Variants in ZNF446 observed in about 807,000 individuals in gnomAD.
ZNF446 encodes the protein zinc finger protein with KRAB and SCAN domains 20.
A neutral mutation model predicts 34.0 loss-of-function variants in ZNF446; 42 were observed. The ratio of observed to expected loss-of-function variants is 1.23; its 90% confidence interval spans 0.96 to 1.60. The LOEUF (loss-of-function observed/expected upper bound fraction) is 1.60. Among genes scored for constraint, ZNF446 ranks in the 40% most tolerant of loss-of-function variants. ZNF446 has a pLI of 0.00. For missense variants in ZNF446, 650 were observed against 600.2 expected, an observed-to-expected ratio of 1.08 and a Z score of -0.87; for synonymous variants, 315 against 251.0, an observed-to-expected ratio of 1.25 and a Z score of -2.41.
downstream of ZNF446, among the ~76,000 whole-genome samples, chr19:58,484,271 TA>T (rs34356403): frequency 6.8e-3 from 454 of 66,544 alleles, 5 homozygotes; most frequent in African/African-American, 0.02. Flanking sequence ...ACCCCATCTC[TA>T]AAAAAAAAAA....
At position 58,477,100 on chromosome 19, in the gene ZNF446, CCCCCTGGGCTGAGCCTGGTGTCTGCCTT is replaced by C. The variant is rs1036248274; in HGVS notation, c.-40-71_-40-44del. On this transcript the variant is annotated intron_variant, in intron 1 of 6. Coordinates refer to ENST00000594369, the MANE Select transcript of ZNF446 (RefSeq NM_017908.4). ...AGAGTACACTTGGTCCTGGTCTCAG[CCCCCTGGGCTGAGCCTGGTGTCTGCCTT>C]CCCCTGGCCAGATTCTCTTGGCTGA... is the stretch of plus-strand genomic sequence containing the variant. 1.5e-5 allele frequency: 13 copies of C among 870,440 alleles called. No homozygotes were observed. The African/African-American group carries it at 1.7e-4, about 11-fold the overall frequency. The allele number at this position is 870,440 out of a possible 1,614,324, so 53.9% of individuals were successfully genotyped here.
rs754224920 is a variant in ZNF446 at position 58,480,454 on chromosome 19, C to A, written c.1081C>A (p.Gln361Lys). Residue 361 changes from glutamine (Q) to lysine (K), a missense_variant, in exon 7 of 7, where the codon CAG becomes AAG. Transcript: ENST00000594369. This position sits in a 1 kb window ranked among gnomAD's most constrained non-coding sequence, Gnocchi z 7.2. ...HRTHTSGPGV[Q>K]SPGLATGEST... is the part of the protein sequence containing the mutation. Reference sequence around the variant, plus strand: ...GACACACACGAGTGGGCCAGGTGTGCAGTCCCCGGGGCTAGCCACCGGGGA... The same window carrying A: ...GACACACACGAGTGGGCCAGGTGTGAAGTCCCCGGGGCTAGCCACCGGGGA... The A allele has an allele frequency of 1.9e-6, 3 of 1,612,800 alleles. No homozygotes were observed. In the Admixed American group the frequency reaches 5.0e-5, roughly 27 times the overall value.
chr19:58,482,229 A>G (rs2053145591), downstream of ZNF446, among the ~76,000 whole-genome samples: 1 of 152,028 alleles, frequency 6.6e-6, no homozygotes, highest in Admixed American at 6.5e-5. Flanking sequence ...TCCGTCTTCA[A>G]AGCCAGCCAT....
intron 4 of ZNF446, among the ~76,000 whole-genome samples, chr19:58,478,426 G>A (rs1023305774): frequency 3.3e-5 from 5 of 152,156 alleles, no homozygotes; most frequent in African/African-American, 1.2e-4. Flanking sequence ...CACTTTGGGA[G>A]GCTGAGGTGA....
intron 4 of ZNF446, 39 bp from the exon 5 acceptor site, chr19:58,479,604 G>A: frequency 3.1e-6 from 5 of 1,605,378 alleles, no homozygotes; most frequent in Non-Finnish European, 4.3e-6. Context: ...GGCAGGGAAG[G>A]GGTGGAAAGA....
In ZNF446 at chr19:58,477,647, A is replaced by G. The variant is rs142097465; in HGVS notation, c.353A>G (p.His118Arg). 2.2e-4 allele frequency: 355 copies of G among 1,613,806 alleles called. 1 individual carries two copies. The highest frequency in any genetic ancestry group is 9.7e-4 in the South Asian group (88 of 91,090). Reference protein sequence around the residue: ...PGQLLGWITAHVLKQEVLPAA... With the variant: ...PGQLLGWITARVLKQEVLPAA... ...ACCTCTTCTCCTCAGATCACAGCCC[A>G]TGTCCTGAAGCAGGAGGTGCTCCCT... Residue 118 changes from histidine (H) to arginine (R), a missense_variant, in exon 3 of 7, where the codon CAT (histidine) becomes CGT (arginine). Transcript: ENST00000594369.
downstream of ZNF446, among the ~76,000 whole-genome samples, chr19:58,482,176 G>A (rs2053145141): frequency 6.6e-6 from 1 of 152,018 alleles, no homozygotes; most frequent in South Asian, 2.1e-4. Context: ...CCAGCTTCTA[G>A]AGTCAGCCCA....
At chr19:58,483,226 C>CTCA (rs1158894115), downstream of ZNF446, among the ~76,000 whole-genome samples, 3 of 152,098 alleles carry the variant, frequency 2.0e-5, no homozygotes, top group South Asian at 2.1e-4. Flanking sequence ...GGTGTGGTGG[C>CTCA]TCATGCCTAT....
chr19:58,486,861 G>A, the ZNF446 span, among the ~76,000 whole-genome samples: 1 of 151,550 alleles, frequency 6.6e-6, no homozygotes, highest in African/African-American at 2.4e-5. Context: ...AGAGTGCAGT[G>A]GTGCGATCTT....
chr19:58,477,260 C>T lies in ZNF446; in HGVS notation c.42C>T (p.Asp14=), dbSNP rs779182560. 3.7e-6 allele frequency: 6 copies of T among 1,604,070 alleles called. No individual in the cohort carries two copies. The East Asian group carries it at 1.3e-4, about 36-fold the overall frequency. ...PLGPPCLPVM[D]PETTLEEPET... ...GTCCCCCATGCCTGCCCGTCATGGA[C>T]CCAGAGACCACCCTTGAGGAGCCTG... Residue 14 remains aspartate, a synonymous_variant, in exon 2 of 7, where the codon GAC becomes GAT. Transcript: ENST00000594369.
rs1240989844 is a variant in ZNF446 at position 58,480,347 on chromosome 19, C to T, written c.974C>T (p.Ala325Val). The T allele has an allele frequency of 1.3e-6, 2 of 1,599,326 alleles. No homozygotes were observed. The highest frequency in any genetic ancestry group is 1.1e-5 in the South Asian group (1 of 89,320). The change falls in exon 7 of 7, where the codon GCT becomes GTT. Residue 325 changes from alanine to valine, a missense_variant. By Grantham distance (64) the Ala-to-Val change is moderately conservative. Coordinates refer to ENST00000594369, the MANE Select transcript of ZNF446 (RefSeq NM_017908.4). The surrounding 1 kb of genome is among the most constrained non-coding windows in gnomAD (Gnocchi z 7.2). ...PTPAETRLEPAATPRKPYTCE... is the reference protein window; with the variant it reads ...PTPAETRLEPVATPRKPYTCE... Reference sequence around the variant, plus strand: ...CCTGCAGAGACGAGACTGGAGCCGGCTGCCACCCCCAGGAAGCCCTACACG... The same window carrying T: ...CCTGCAGAGACGAGACTGGAGCCGGTTGCCACCCCCAGGAAGCCCTACACG...
rs767849151 is a variant in ZNF446, at chr19:58,479,937, G to A, written c.720G>A (p.Pro240=). The change falls in exon 6 of 7, where the codon CCG becomes CCA. Residue 240 remains proline (P), a synonymous_variant. Coordinates refer to ENST00000594369, the MANE Select transcript of ZNF446 (RefSeq NM_017908.4). ...TGCCCCCCACCCGGGCAGGGTTACC[G>A]CCCCACCAGCCAGAGGCACAGGCCC... The part of the protein sequence containing the change: ...KYGTVVSLGL[P]PHQPEAQAQS... 4.2e-5 allele frequency: 67 copies of A among 1,577,302 alleles called. No homozygotes were observed. Among genetic ancestry groups the A allele is most frequent in the East Asian group, 2.3e-4 (10 of 43,278 alleles).
At position 58,480,447 on chromosome 19, in the gene ZNF446, A is replaced by G. The variant is rs1197973022; in HGVS notation, c.1074A>G (p.Pro358=). 4 of 1,612,716 alleles carry G rather than the reference A, an allele frequency of 2.5e-6. No individual in the cohort carries two copies. Among genetic ancestry groups the G allele is most frequent in the Non-Finnish European group, 3.4e-6 (4 of 1,179,926 alleles). Residue 358 remains proline (P), a synonymous_variant, in exon 7 of 7, where the codon CCA becomes CCG. Coordinates refer to ENST00000594369, the MANE Select transcript of ZNF446 (RefSeq NM_017908.4). The surrounding 1 kb of genome is among the most constrained non-coding windows in gnomAD (Gnocchi z 7.2). ...ACCACCGGACACACACGAGTGGGCCAGGTGTGCAGTCCCCGGGGCTAGCCA... is the reference window on the plus strand; with the variant it reads ...ACCACCGGACACACACGAGTGGGCCGGGTGTGCAGTCCCCGGGGCTAGCCA... ...VIHHRTHTSG[P]GVQSPGLATG... is the part of the protein sequence containing the mutation.
chr19:58,485,056 TAAAA>T (rs1203436214), downstream of ZNF446, among the ~76,000 whole-genome samples: 3 of 151,100 alleles, frequency 2.0e-5, no homozygotes, highest in African/African-American at 7.3e-5. Context: ...CTCAGAAAAA[TAAAA>T]AGAAGCACAT....
Position 58,480,736 on chromosome 19 carries a change from C to G in ZNF446, c.*10C>G. The G allele has an allele frequency of 1.9e-6, 3 of 1,595,286 alleles. No individual in the cohort carries two copies. The highest frequency in any genetic ancestry group is 2.6e-6 in the Non-Finnish European group (3 of 1,174,356). Reference sequence around the variant, plus strand: ...GCCGGAGGTTCCATGAGCAGCCAGACAGCACAGTCCCTCGGGGCCTCGGTG... The same window carrying G: ...GCCGGAGGTTCCATGAGCAGCCAGAGAGCACAGTCCCTCGGGGCCTCGGTG... On this transcript the variant is annotated 3_prime_UTR_variant, in exon 7 of 7. Transcript: ENST00000594369. This position sits in a 1 kb window ranked among gnomAD's most constrained non-coding sequence, Gnocchi z 7.2.
At chr19:58,489,399 AT>A in the ZNF446 span, among the ~76,000 whole-genome samples, 1 of 152,062 alleles carries the variant, frequency 6.6e-6, no homozygotes, top group Non-Finnish European at 1.5e-5. Context: ...TCGACTCTGT[AT>A]GATCTCATCC....
At chr19:58,477,098 A>G in intron 1 of ZNF446, 81 bp from the exon 2 acceptor site, 1 of 857,522 alleles carries the variant, frequency 1.2e-6, no homozygotes, top group Non-Finnish European at 1.8e-6. Flanking sequence ...TCCTGGTCTC[A>G]GCCCCCTGGG....
chr19:58,486,280 G>A, the ZNF446 span, among the ~76,000 whole-genome samples: 3 of 151,714 alleles, frequency 2.0e-5, no homozygotes, highest in Non-Finnish European at 4.4e-5. Context: ...TTTAGTAGAT[G>A]GGGTTTCACC....
At chr19:58,477,607 G>C (rs770868416) in intron 2 of ZNF446, 30 bp from the exon 3 acceptor site, 12 of 1,613,496 alleles carry the variant, frequency 7.4e-6, no homozygotes, top group South Asian at 1.1e-5. Context: ...ACCCTGGCTA[G>C]AGCCATTGTG....
Sources: gnomAD v4.1 joint callset for allele counts (sites outside exome capture counted in the v4.1 genomes callset) on GRCh38, gnomAD v4.1.1 for gene constraint, Gnocchi (gnomAD v3.1) non-coding constraint, MANE v1.5 for transcripts, NCBI Gene and HGNC (gene_info 2026-07-23, HGNC 2026-07-21) for gene names.